Variants in INPP4B observed in about 807,000 individuals in gnomAD.
INPP4B encodes inositol polyphosphate 4-phosphatase type II.
A neutral mutation model predicts 122.5 loss-of-function variants in INPP4B; 55 were observed. The observed-to-expected ratio is 0.45, with a 90% confidence interval of 0.36 to 0.56. The LOEUF (loss-of-function observed/expected upper bound fraction) is 0.56. Among genes scored for constraint, INPP4B ranks in the 20% least tolerant of loss-of-function variants. The pLI is 0.00. For missense variants in INPP4B, 1,000 were observed against 1,097.7 expected (o/e 0.91, Z 1.26); for synonymous variants, 403 against 388.7 (o/e 1.04, Z -0.43).
At chr4:142,579,021 C>A (rs1267355226) in intron 2 of INPP4B, among the ~76,000 whole-genome samples, 1 of 151,940 alleles carries the variant, frequency 6.6e-6, no homozygotes, top group Non-Finnish European at 1.5e-5. Flanking sequence ...CACATACAAA[C>A]CATAACCACA....
At chr4:142,661,756 A>T (rs1015689557) in intron 2 of INPP4B, among the ~76,000 whole-genome samples, 1 of 152,222 alleles carries the variant, frequency 6.6e-6, no homozygotes, top group Admixed American at 6.5e-5. Flanking sequence ...ACAATGAGAA[A>T]AGACTTTTCT....
In INPP4B at chr4:142,537,400, G is replaced by GTATATATATATA. The variant is rs34425745; in HGVS notation, c.-190-74686_-190-74675dup. On this transcript the variant is annotated intron_variant, in intron 2 of 25. Transcript: ENST00000262992. ...TCAGAGACCAGAGATTTTACATACA[G>GTATATATATATA]TATATATATATATATATATATATAT... Among the ~76,000 whole-genome samples, 97 of 32,944 alleles carry GTATATATATATA rather than the reference G, an allele frequency of 2.9e-3. 3 individuals are homozygous for GTATATATATATA. The highest frequency in any genetic ancestry group is 5.3e-3 in the Non-Finnish European group (73 of 13,888). 21.6% of individuals were successfully genotyped at this position (32,944 alleles called of 152,430 possible).
At chr4:142,427,518 C>T in intron 5 of INPP4B, 1 of 634,872 alleles carries the variant, frequency 1.6e-6, no homozygotes. Context: ...CTGAAATTTA[C>T]TTGGCTTTCT....
chr4:142,123,538 A>C, intron 19 of INPP4B, 123 bp from the exon 20 acceptor site: 1 of 879,972 alleles, frequency 1.1e-6, no homozygotes, highest in Non-Finnish European at 1.7e-6. Flanking sequence ...CAAAACTACA[A>C]CTATTTGGTA....
At chr4:142,332,324 G>A (rs1169260261) in intron 7 of INPP4B, among the ~76,000 whole-genome samples, 5 of 152,006 alleles carry the variant, frequency 3.3e-5, no homozygotes, top group Admixed American at 1.3e-4. Context: ...AAAGGTGGAG[G>A]TAACTACAGC....
chr4:142,508,787 G>C (rs1342168856), intron 2 of INPP4B, among the ~76,000 whole-genome samples: 1 of 152,168 alleles, frequency 6.6e-6, no homozygotes, highest in East Asian at 1.9e-4. Flanking sequence ...ACTCTCTGAA[G>C]ACATTCTTGG....
intron 16 of INPP4B, among the ~76,000 whole-genome samples, chr4:142,164,691 T>C (rs556566138): frequency 4.6e-5 from 7 of 151,936 alleles, no homozygotes; most frequent in South Asian, 4.1e-4. Context: ...GAGTTCATTG[T>C]AAACCCTCAA....
chr4:142,641,827 C>T (rs1045862854), intron 2 of INPP4B, among the ~76,000 whole-genome samples: 5 of 152,064 alleles, frequency 3.3e-5, no homozygotes, highest in Non-Finnish European at 5.9e-5. Context: ...GTTCTAGATC[C>T]CTGAGGAATC....
intron 21 of INPP4B, among the ~76,000 whole-genome samples, chr4:142,121,489 G>A (rs1473409160): frequency 1.3e-5 from 2 of 152,032 alleles, no homozygotes; most frequent in African/African-American, 4.8e-5. Flanking sequence ...CACCGGAATA[G>A]TTTGGACCTC....
At chr4:142,219,137 A>T (rs78433460) in intron 12 of INPP4B, among the ~76,000 whole-genome samples, 5,221 of 152,280 alleles carry the variant, frequency 0.034, 292 homozygotes, top group African/African-American at 0.12. Flanking sequence ...CCAAGTGGTC[A>T]TTCACTCCGA....
At chr4:142,166,657 T>C (rs1413894895) in intron 16 of INPP4B, among the ~76,000 whole-genome samples, 1 of 151,436 alleles carries the variant, frequency 6.6e-6, no homozygotes, top group Non-Finnish European at 1.5e-5. Context: ...AAAGGTCTAA[T>C]ATCCAGAATC....
chr4:142,474,510 C>G (rs903909406), intron 2 of INPP4B: 1 of 152,424 alleles, frequency 6.6e-6, no homozygotes, highest in Non-Finnish European at 1.5e-5. Flanking sequence ...TGACCCCACC[C>G]ACTCCCACTG....
intron 7 of INPP4B, among the ~76,000 whole-genome samples, chr4:142,383,532 C>G (rs1396895702): frequency 1.3e-5 from 2 of 152,082 alleles, no homozygotes; most frequent in Non-Finnish European, 2.9e-5. Flanking sequence ...GTGGACATGT[C>G]AAAATTCCAA....
chr4:142,544,908 G>C (rs1829375149), intron 2 of INPP4B, among the ~76,000 whole-genome samples: 1 of 152,136 alleles, frequency 6.6e-6, no homozygotes, highest in African/African-American at 2.4e-5. Context: ...TTTTCAACCA[G>C]TAATGGGGAA....
chr4:142,743,679 C>CTAAA (rs769554084), intron 1 of INPP4B, among the ~76,000 whole-genome samples: 1 of 151,808 alleles, frequency 6.6e-6, no homozygotes, highest in Non-Finnish European at 1.5e-5. Context: ...AGATAATGAG[C>CTAAA]TAAAGTAAGA....
intron 9 of INPP4B, among the ~76,000 whole-genome samples, chr4:142,274,409 C>T (rs1260979796): frequency 1.3e-5 from 2 of 151,750 alleles, no homozygotes; most frequent in Non-Finnish European, 3.0e-5. Flanking sequence ...CTAATAACTC[C>T]TGTGATTTCA....
At chr4:142,140,708 T>C (rs2152826484) in intron 18 of INPP4B, among the ~76,000 whole-genome samples, 1 of 152,296 alleles carries the variant, frequency 6.6e-6, no homozygotes, top group South Asian at 2.1e-4. Context: ...ATAGATTGTT[T>C]TAATCTTCTC....
chr4:142,562,466 G>A (rs1366579971), intron 2 of INPP4B, among the ~76,000 whole-genome samples: 3 of 152,078 alleles, frequency 2.0e-5, no homozygotes, highest in Non-Finnish European at 4.4e-5. Context: ...ATCCCATATA[G>A]CCCAGGTCAC....
At chr4:142,497,808 C>T (rs1580214470) in intron 2 of INPP4B, among the ~76,000 whole-genome samples, 1 of 152,126 alleles carries the variant, frequency 6.6e-6, no homozygotes, top group East Asian at 1.9e-4. Context: ...CATACTGCCA[C>T]CTGCAAAATG....
Sources: allele counts gnomAD v4.1 joint callset (sites outside exome capture counted in the v4.1 genomes callset), GRCh38; gene constraint gnomAD v4.1.1; transcripts MANE v1.5; gene names NCBI Gene and HGNC (gene_info 2026-07-23, HGNC 2026-07-21).